The following TMTC1 variants were observed in gnomAD, a reference collection of about 807,000 sequenced individuals.
The protein encoded by TMTC1 is protein O-mannosyl-transferase TMTC1.
A neutral mutation model predicts 104.8 loss-of-function variants in TMTC1; 73 were observed. The observed-to-expected ratio is 0.70, with a 90% CI of 0.58 to 0.85. The LOEUF (loss-of-function observed/expected upper bound fraction) is 0.85, where lower values mean the gene tolerates loss of function less well. Among genes scored for constraint, TMTC1 ranks in the 40% least tolerant of loss-of-function variants. The pLI, the probability that TMTC1 is intolerant of heterozygous loss-of-function variation, is 0.00. For synonymous variants in TMTC1, 434 were observed against 428.7 expected, an observed-to-expected ratio of 1.01 and a Z score of -0.15; for missense variants, 1,035 against 1,096.1, an observed-to-expected ratio of 0.94 and a Z score of 0.79.
At chr12:29,599,502 C>T (rs544985497) in intron 7 of TMTC1, among the ~76,000 whole-genome samples, 6 of 152,282 alleles carry the variant, frequency 3.9e-5, no homozygotes, top group African/African-American at 1.4e-4. Context: ...GATGCAGGAA[C>T]AGAAGCCACA....
intron 11 of TMTC1, among the ~76,000 whole-genome samples, chr12:29,522,646 G>T (rs562531981): frequency 6.6e-6 from 1 of 152,144 alleles, no homozygotes; most frequent in South Asian, 2.1e-4. Context: ...CATCTAGAGA[G>T]TACCATAGGG....
intron 5 of TMTC1, among the ~76,000 whole-genome samples, chr12:29,719,014 C>T (rs768871456): frequency 2.7e-5 from 4 of 150,832 alleles, no homozygotes; most frequent in Non-Finnish European, 4.4e-5. Context: ...AGAAATGATA[C>T]GATCTGAAGA....
At chr12:29,616,511 T>C (rs867614737) in intron 6 of TMTC1, among the ~76,000 whole-genome samples, 8 of 151,808 alleles carry the variant, frequency 5.3e-5, no homozygotes, top group Middle Eastern at 6.8e-3. Flanking sequence ...CTACTAAAAA[T>C]ACAAAAATTA....
intron 8 of TMTC1, among the ~76,000 whole-genome samples, chr12:29,573,064 G>A (rs1252341526): frequency 3.3e-5 from 5 of 151,918 alleles, no homozygotes; most frequent in African/African-American, 4.8e-5. Context: ...ACTCTCTCTC[G>A]CTCCCCTCGC....
chr12:29,771,763 G>C (rs1943599846), intron 1 of TMTC1, among the ~76,000 whole-genome samples: 1 of 152,140 alleles, frequency 6.6e-6, no homozygotes, highest in Non-Finnish European at 1.5e-5. Flanking sequence ...ACCTTCACAG[G>C]AGAACTTCAG....
At chr12:29,666,371 C>T in intron 5 of TMTC1, 1 of 338,598 alleles carries the variant, frequency 3.0e-6, no homozygotes, top group South Asian at 2.3e-5. Context: ...GGGACTACCA[C>T]CATGCCTGGC....
Position 29,556,873 on chromosome 12 carries a change from G to A in TMTC1, c.1660C>T (p.Leu554=), listed in dbSNP as rs543154860. ...HPQHNRALFN[L]GNLLKSQEKK... ...CCCACTTACTTGAGGAGATTCCCCA[G>A]ATTGAAAAGAGCCCGGTTATGCTGT... Residue 554 remains leucine (L), a synonymous_variant, in exon 10 of 18, where the codon CTG becomes TTG. Transcript: ENST00000539277. The A allele has an allele frequency of 2.2e-5, 36 of 1,614,116 alleles. No homozygotes were observed. In the South Asian group the frequency reaches 3.0e-4, roughly 13 times the overall value.
At chr12:29,579,654 A>C in intron 8 of TMTC1, among the ~76,000 whole-genome samples, 1 of 152,162 alleles carries the variant, frequency 6.6e-6, no homozygotes, top group East Asian at 1.9e-4. Context: ...AGAGGGTTTA[A>C]TCTAATCAAA....
chr12:29,515,956 A>G (rs1354049507), intron 15 of TMTC1, among the ~76,000 whole-genome samples: 1 of 151,486 alleles, frequency 6.6e-6, no homozygotes, highest in African/African-American at 2.4e-5. Context: ...CTTCCTATAT[A>G]TTCCTCTTCT....
intron 6 of TMTC1, among the ~76,000 whole-genome samples, chr12:29,615,260 AG>A (rs1946947605): frequency 6.6e-6 from 1 of 152,170 alleles, no homozygotes; most frequent in African/African-American, 2.4e-5. Flanking sequence ...CTGGCTTCTC[AG>A]GAAGCTCCAG....
intron 5 of TMTC1, among the ~76,000 whole-genome samples, chr12:29,676,887 GC>G (rs1940746411): frequency 6.6e-6 from 1 of 152,202 alleles, no homozygotes; most frequent in Non-Finnish European, 1.5e-5. Context: ...TCTTGACAGA[GC>G]TGGCTGGCAT....
chr12:29,654,011 G>C (rs1939641902), intron 5 of TMTC1, among the ~76,000 whole-genome samples: 1 of 152,186 alleles, frequency 6.6e-6, no homozygotes, highest in African/African-American at 2.4e-5. Flanking sequence ...TTGACCAAGA[G>C]AGTTCAGAAA....
intron 5 of TMTC1, among the ~76,000 whole-genome samples, chr12:29,679,082 A>G (rs1940826980): frequency 6.6e-6 from 1 of 152,236 alleles, no homozygotes; most frequent in South Asian, 2.1e-4. Context: ...AAATTTTCAT[A>G]CAACCATGCA....
intron 5 of TMTC1, among the ~76,000 whole-genome samples, chr12:29,656,477 C>T (rs947216895): frequency 7.9e-5 from 12 of 151,630 alleles, no homozygotes; most frequent in African/African-American, 2.9e-4. Flanking sequence ...GCTTCAGCCT[C>T]CCAAGTAGCT....
intron 8 of TMTC1, among the ~76,000 whole-genome samples, chr12:29,579,346 T>C (rs1945912725): frequency 2.0e-5 from 3 of 152,230 alleles, no homozygotes; most frequent in Admixed American, 2.0e-4. Context: ...AGAGACTGTA[T>C]GACCCGCAGA....
chr12:29,715,023 G>C (rs1942038429), intron 5 of TMTC1, among the ~76,000 whole-genome samples: 1 of 152,128 alleles, frequency 6.6e-6, no homozygotes, highest in Admixed American at 6.5e-5. Context: ...TTTGACAATA[G>C]TACACTGTCC....
chr12:29,782,881 G>C (rs1182286044), intron 1 of TMTC1: 1 of 152,358 alleles, frequency 6.6e-6, no homozygotes, highest in Non-Finnish European at 1.5e-5. Flanking sequence ...GAGCAGCCAA[G>C]GGTGCAAGGC....
intron 5 of TMTC1, among the ~76,000 whole-genome samples, chr12:29,687,788 C>T (rs576363888): frequency 2.6e-5 from 4 of 152,310 alleles, no homozygotes; most frequent in Admixed American, 1.3e-4. Context: ...ACTACCTCCT[C>T]GCTGTGTCCT....
chr12:29,567,095 G>GT (rs1945537452), intron 9 of TMTC1, among the ~76,000 whole-genome samples: 1 of 152,174 alleles, frequency 6.6e-6, no homozygotes, highest in South Asian at 2.1e-4. Flanking sequence ...ACCTCTAAGG[G>GT]GACATCCCAG....
Sources: allele counts gnomAD v4.1 joint callset (sites outside exome capture counted in the v4.1 genomes callset), GRCh38; gene constraint gnomAD v4.1.1; transcripts MANE v1.5; gene names NCBI Gene and HGNC (gene_info 2026-07-23, HGNC 2026-07-21).